Variants in MAD1L1 observed in about 807,000 individuals in gnomAD.
MAD1L1 encodes mitotic spindle assembly checkpoint protein MAD1.
MAD1L1 carries 95 observed loss-of-function variants against 96.9 expected under a neutral mutation model. The observed-to-expected ratio is 0.98, with a 90% CI of 0.83 to 1.16. MAD1L1 has a LOEUF of 1.16. Ranked by LOEUF, MAD1L1 falls within the 50% of genes most tolerant of loss-of-function variation. The pLI, the probability that MAD1L1 is intolerant of heterozygous loss-of-function variation, is 0.00. For synonymous variants in MAD1L1, 473 were observed against 396.6 expected (o/e 1.19, Z -2.29); for missense variants, 1,007 against 954.4 (o/e 1.06, Z -0.73).
At chr7:2,001,164 G>C (rs1175499504) in intron 14 of MAD1L1, among the ~76,000 whole-genome samples, 1 of 152,256 alleles carries the variant, frequency 6.6e-6, no homozygotes, top group Non-Finnish European at 1.5e-5. Flanking sequence ...TGGCAAGCAA[G>C]GATGCCCGAC....
intron 11 of MAD1L1, among the ~76,000 whole-genome samples, chr7:2,141,353 C>G (rs1238256661): frequency 6.6e-6 from 1 of 152,258 alleles, no homozygotes; most frequent in East Asian, 1.9e-4. Flanking sequence ...CCAGGATGGG[C>G]TGGACCCCCT....
At chr7:1,972,893 G>A (rs887358091) in intron 15 of MAD1L1, among the ~76,000 whole-genome samples, 1 of 152,118 alleles carries the variant, frequency 6.6e-6, no homozygotes, top group Non-Finnish European at 1.5e-5. Flanking sequence ...TTTGTACCGG[G>A]AGACCTCCTC....
chr7:2,041,280 C>G (rs1452639908), intron 12 of MAD1L1, among the ~76,000 whole-genome samples: 1 of 152,174 alleles, frequency 6.6e-6, no homozygotes. Context: ...ATGCCCGCAC[C>G]TCCTACAGCT....
chr7:2,081,144 C>T (rs1030101389), intron 11 of MAD1L1, among the ~76,000 whole-genome samples: 2 of 150,710 alleles, frequency 1.3e-5, no homozygotes, highest in East Asian at 3.9e-4. Context: ...GTGGGAATGG[C>T]AGAGCCAGCG....
In MAD1L1 at chr7:1,898,250, G is replaced by A. The variant is rs376435341; in HGVS notation, c.1948C>T (p.Arg650Trp). The change falls in exon 18 of 19, where the codon CGG becomes TGG. Residue 650 changes from arginine to tryptophan, a missense_variant. Coordinates refer to ENST00000265854, the MANE Select transcript of MAD1L1 (RefSeq NM_001013836.2). ...TGCTCGGCGTACAGCGAGGTCAGCCGGTACTGGTTCTCCGTGGTGATGTCG... is the reference window on the plus strand; with the variant it reads ...TGCTCGGCGTACAGCGAGGTCAGCCAGTACTGGTTCTCCGTGGTGATGTCG... Reference protein sequence around the residue: ...QIDITTENQYRLTSLYAEHPG... With the variant: ...QIDITTENQYWLTSLYAEHPG... 7 of 1,614,092 alleles carry A rather than the reference G, an allele frequency of 4.3e-6. No individual in the cohort carries two copies. The highest frequency in any genetic ancestry group is 3.3e-4 in the Middle Eastern group (2 of 6,062).
chr7:2,216,398 C>T, intron 7 of MAD1L1, 111 bp from the exon 8 acceptor site: 4 of 1,095,092 alleles, frequency 3.7e-6, no homozygotes, highest in South Asian at 1.6e-5. Context: ...CGGCTATACA[C>T]ACTGCAGGAT....
intron 12 of MAD1L1, among the ~76,000 whole-genome samples, chr7:2,016,975 G>A (rs1386111763): frequency 6.6e-6 from 1 of 152,256 alleles, no homozygotes; most frequent in Non-Finnish European, 1.5e-5. Context: ...ACTTCCCTTG[G>A]TAAACAAGCT....
chr7:2,160,504 T>G (rs986691345), intron 10 of MAD1L1, among the ~76,000 whole-genome samples: 2 of 151,166 alleles, frequency 1.3e-5, no homozygotes, highest in Non-Finnish European at 2.9e-5. Flanking sequence ...AGCTAATTTT[T>G]CTGTACTTTT....
At chr7:1,817,650 ATG>A (rs1469138787) in intron 18 of MAD1L1, among the ~76,000 whole-genome samples, 1 of 152,184 alleles carries the variant, frequency 6.6e-6, no homozygotes, top group Non-Finnish European at 1.5e-5. Context: ...TGCGCACTGA[ATG>A]TGCCGGGAGG....
chr7:2,110,101 G>A (rs1052424912), intron 11 of MAD1L1, among the ~76,000 whole-genome samples: 34 of 152,222 alleles, frequency 2.2e-4, no homozygotes, highest in African/African-American at 7.7e-4. Flanking sequence ...TTAAACCACA[G>A]CCGATTTTCC....
chr7:1,900,618 G>A (rs1213218804), intron 17 of MAD1L1, among the ~76,000 whole-genome samples: 3 of 152,172 alleles, frequency 2.0e-5, no homozygotes, highest in South Asian at 2.1e-4. Context: ...TCCCGAAGAT[G>A]GGGCTATCGG....
intron 16 of MAD1L1, among the ~76,000 whole-genome samples, chr7:1,946,837 C>T (rs1029112989): frequency 3.3e-5 from 5 of 152,224 alleles, no homozygotes; most frequent in East Asian, 1.9e-4. Context: ...AGAGAGGGTG[C>T]GGGTGCTCCC....
intron 11 of MAD1L1, 39 bp from the exon 12 acceptor site, chr7:2,069,377 G>A (rs751491136): frequency 2.4e-5 from 36 of 1,509,884 alleles, no homozygotes; most frequent in Non-Finnish European, 3.0e-5. Flanking sequence ...AATGAAGCCT[G>A]GGGTGACCAC....
intron 12 of MAD1L1, among the ~76,000 whole-genome samples, chr7:2,018,582 G>C (rs1257714585): frequency 2.0e-5 from 3 of 152,216 alleles, no homozygotes; most frequent in Non-Finnish European, 4.4e-5. Context: ...TTCCCTCCTG[G>C]GAGTCAGTGG....
intron 14 of MAD1L1, among the ~76,000 whole-genome samples, chr7:1,994,774 C>T (rs1584023159): frequency 2.0e-5 from 3 of 152,318 alleles, no homozygotes; most frequent in East Asian, 1.9e-4. Context: ...AACACCAGAC[C>T]GGCCAGTTCC....
intron 11 of MAD1L1, chr7:2,089,059 G>C (rs893662960): frequency 6.6e-6 from 1 of 152,326 alleles, no homozygotes; most frequent in Admixed American, 6.5e-5. Flanking sequence ...AGGGATGGGT[G>C]TGCTTTGACA....
intron 11 of MAD1L1, among the ~76,000 whole-genome samples, chr7:2,093,433 C>G (rs1196690622): frequency 6.6e-6 from 1 of 152,086 alleles, no homozygotes; most frequent in Non-Finnish European, 1.5e-5. Flanking sequence ...TATAAAAATG[C>G]CAGGAAGGAT....
At chr7:2,049,382 C>A (rs1784066796) in intron 12 of MAD1L1, among the ~76,000 whole-genome samples, 1 of 152,242 alleles carries the variant, frequency 6.6e-6, no homozygotes, top group African/African-American at 2.4e-5. Flanking sequence ...GTGGGGGCCC[C>A]CACTCCATGG....
intron 18 of MAD1L1, among the ~76,000 whole-genome samples, chr7:1,865,094 CCCCAGTCTG>C (rs1385656799): frequency 6.6e-6 from 1 of 152,192 alleles, no homozygotes; most frequent in African/African-American, 2.4e-5. Flanking sequence ...GCATCCCTGT[CCCCAGTCTG>C]CCCTGTCCAG....
Sources: allele counts gnomAD v4.1 joint callset (sites outside exome capture counted in the v4.1 genomes callset), GRCh38; gene constraint gnomAD v4.1.1; transcripts MANE v1.5; gene names NCBI Gene and HGNC (gene_info 2026-07-23, HGNC 2026-07-21).